The following TPRG1 variants were observed in gnomAD, a reference collection of about 807,000 sequenced individuals.
TPRG1 encodes the protein tumor protein p63-regulated gene 1 protein.
In TPRG1, 29 loss-of-function variants were observed where a neutral mutation model predicts 29.3. The ratio of observed to expected loss-of-function variants is 0.99; its 90% CI spans 0.74 to 1.35. TPRG1 has a LOEUF of 1.35. Ranked by LOEUF, TPRG1 falls within the 40% of genes most tolerant of loss-of-function variation. The pLI is 0.00. For synonymous variants in TPRG1, 130 were observed against 116.8 expected (o/e 1.11, Z -0.73); for missense variants, 327 against 335.0 (o/e 0.98, Z 0.19).
upstream of TPRG1, among the ~76,000 whole-genome samples, chr3:189,169,784 C>T (rs1045347429): frequency 1.3e-5 from 2 of 152,198 alleles, no homozygotes; most frequent in Non-Finnish European, 2.9e-5. Flanking sequence ...TGTACTGTAA[C>T]TCCCATTGCA....
At chr3:189,103,774 C>T (rs1303113572) in intron 1 of TPRG1, among the ~76,000 whole-genome samples, 2 of 152,136 alleles carry the variant, frequency 1.3e-5, no homozygotes, top group African/African-American at 4.8e-5. Context: ...TGATTGTTAT[C>T]AGGATCCAGC....
At chr3:189,279,666 G>A (rs556071014) in intron 4 of TPRG1, among the ~76,000 whole-genome samples, 69 of 152,252 alleles carry the variant, frequency 4.5e-4, no homozygotes, top group Non-Finnish European at 9.1e-4. Flanking sequence ...CTCAATGAAA[G>A]GTAGTATGAA....
intron 4 of TPRG1, among the ~76,000 whole-genome samples, chr3:189,255,595 A>G (rs1711708047): frequency 6.6e-6 from 1 of 152,204 alleles, no homozygotes; most frequent in Admixed American, 6.5e-5. Context: ...TTCAGAAGGA[A>G]TGGTACCAGC....
At chr3:189,320,322 A>T (rs1357486258) in intron 5 of TPRG1, among the ~76,000 whole-genome samples, 3 of 152,120 alleles carry the variant, frequency 2.0e-5, no homozygotes, top group Non-Finnish European at 4.4e-5. Flanking sequence ...ATATTAAAGC[A>T]GCTAAAACTA....
chr3:189,044,374 G>A (rs1233856421), intron 4 of TPRG1, among the ~76,000 whole-genome samples: 1 of 152,164 alleles, frequency 6.6e-6, no homozygotes, highest in Non-Finnish European at 1.5e-5. Context: ...GGCCAACATG[G>A]CAAAACGCTG....
upstream of TPRG1, among the ~76,000 whole-genome samples, chr3:189,098,809 G>A (rs1190345604): frequency 2.6e-5 from 4 of 152,128 alleles, no homozygotes; most frequent in Non-Finnish European, 5.9e-5. Flanking sequence ...AATTCAACAT[G>A]AAGTCTCTGG....
At chr3:189,237,587 G>T (rs996946623) in intron 3 of TPRG1, among the ~76,000 whole-genome samples, 1 of 152,174 alleles carries the variant, frequency 6.6e-6, no homozygotes, top group Non-Finnish European at 1.5e-5. Context: ...AACAATGAGT[G>T]GTTTCAGCGT....
At chr3:189,211,063 C>G (rs1306187781) in intron 2 of TPRG1, among the ~76,000 whole-genome samples, 2 of 152,042 alleles carry the variant, frequency 1.3e-5, no homozygotes, top group Non-Finnish European at 2.9e-5. Flanking sequence ...TGTATTAAAT[C>G]TGCTCTTATA....
chr3:189,067,813 A>G (rs561789969), intron 4 of TPRG1, among the ~76,000 whole-genome samples: 16 of 152,202 alleles, frequency 1.1e-4, no homozygotes, highest in Non-Finnish European at 2.2e-4. Flanking sequence ...CAAAGCAAAA[A>G]TGGACATGTG....
At chr3:189,227,476 A>G (rs1737931659) in intron 3 of TPRG1, among the ~76,000 whole-genome samples, 1 of 152,160 alleles carries the variant, frequency 6.6e-6, no homozygotes, top group South Asian at 2.1e-4. Flanking sequence ...TCTTCTCTCA[A>G]AAGTCATGCT....
intron 1 of TPRG1, among the ~76,000 whole-genome samples, chr3:188,998,821 G>A (rs1004078182): frequency 6.6e-6 from 1 of 152,182 alleles, no homozygotes; most frequent in Non-Finnish European, 1.5e-5. Context: ...CTGAGGGGGT[G>A]TGGGAGGAAA....
chr3:189,204,620 G>A (rs1483902755), intron 1 of TPRG1, among the ~76,000 whole-genome samples: 2 of 152,186 alleles, frequency 1.3e-5, no homozygotes, highest in African/African-American at 4.8e-5. Flanking sequence ...AGTGTTTCCA[G>A]AGAAGACAGC....
At chr3:189,083,309 C>T (rs1717725889) in intron 4 of TPRG1, among the ~76,000 whole-genome samples, 1 of 152,062 alleles carries the variant, frequency 6.6e-6, no homozygotes, top group Admixed American at 6.5e-5. Context: ...ATGGGTGGAG[C>T]AGCTGTGGTG....
Position 189,197,315 on chromosome 3 carries a change from G to A in TPRG1, c.-9-10061G>A, listed in dbSNP as rs1732706952. ...TGGAGAAAACATCTGAGTCTTTACAGGCTCTCCGAGTGCATTATCAGGACC... is the reference window on the plus strand; with the variant it reads ...TGGAGAAAACATCTGAGTCTTTACAAGCTCTCCGAGTGCATTATCAGGACC... On this transcript the variant is annotated intron_variant, in intron 1 of 5. Coordinates refer to ENST00000345063, the MANE Select transcript of TPRG1 (RefSeq NM_198485.4). Among the ~76,000 whole-genome samples, 2 of 152,286 alleles carry A rather than the reference G, an allele frequency of 1.3e-5. 1 individual carries two copies. The highest frequency in any genetic ancestry group is 4.1e-4 in the South Asian group (2 of 4,824).
intron 1 of TPRG1, among the ~76,000 whole-genome samples, chr3:189,206,051 CTGT>C (rs140228030): frequency 0.048 from 6,240 of 131,060 alleles, 206 homozygotes; most frequent in Middle Eastern, 0.11. Context: ...TTCCTTTCTT[CTGT>C]CTTTCTTTCT....
intron 1 of TPRG1, among the ~76,000 whole-genome samples, chr3:189,109,130 G>C (rs1720180942): frequency 6.6e-6 from 1 of 151,996 alleles, no homozygotes; most frequent in Admixed American, 6.6e-5. Context: ...TATTCCTCTG[G>C]GCTGTGTGGG....
At position 189,115,848 on chromosome 3, in the gene TPRG1, A is replaced by C. The variant is rs1721101791; in HGVS notation, c.-743-11209A>C. 2.6e-5 allele frequency among the ~76,000 whole-genome samples: 4 copies of C among 152,336 alleles called. No homozygotes were observed. The South Asian group carries it at 8.3e-4, about 32-fold the overall frequency. ...TTTTTCTCTGTGAGACTTCTTGGGC[A>C]GGTTACCTCTTTTAATCTACTAATA... On this transcript the variant is annotated intron_variant, in intron 1 of 6. Coordinates refer to the TPRG1 transcript ENST00000412373.
At chr3:189,067,263 T>C (rs114174656) in intron 4 of TPRG1, among the ~76,000 whole-genome samples, 8 of 152,134 alleles carry the variant, frequency 5.3e-5, no homozygotes. Context: ...AATCTATAGA[T>C]TCAGTGCAAT....
At chr3:189,273,270 A>G (rs921136846) in intron 4 of TPRG1, among the ~76,000 whole-genome samples, 2 of 152,306 alleles carry the variant, frequency 1.3e-5, no homozygotes, top group East Asian at 1.9e-4. Context: ...GGCTTACTGT[A>G]TGGCTGGAGA....
Sources: allele counts gnomAD v4.1 joint callset (sites outside exome capture counted in the v4.1 genomes callset), GRCh38; gene constraint gnomAD v4.1.1; transcripts MANE v1.5; gene names NCBI Gene and HGNC (gene_info 2026-07-23, HGNC 2026-07-21).